XYLB: variants seen among roughly 807,000 people sequenced by gnomAD.
XYLB encodes xylulose kinase.
A neutral mutation model predicts 78.7 loss-of-function variants in XYLB; 62 were observed. That is an observed-to-expected ratio of 0.79 (90% CI 0.64 to 0.97). The LOEUF is 0.97. Among genes scored for constraint, XYLB ranks in the 50% least tolerant of loss-of-function variants. XYLB has a pLI of 0.00. For missense variants in XYLB, 687 were observed against 676.8 expected, an observed-to-expected ratio of 1.02 and a Z score of -0.17; for synonymous variants, 245 against 247.4, an observed-to-expected ratio of 0.99 and a Z score of 0.09.
At chr3:38,374,577 T>G in intron 11 of XYLB, 75 bp downstream of exon 11, 6 of 1,587,564 alleles carry the variant, frequency 3.8e-6, no homozygotes, top group Non-Finnish European at 5.2e-6. Context: ...GTAGCAGAGG[T>G]GCTGCTGAGA....
intron 18 of XYLB, among the ~76,000 whole-genome samples, chr3:38,403,441 G>T (rs1002676): frequency 0.42 from 64,174 of 152,072 alleles, 15,767 homozygotes; most frequent in Non-Finnish European, 0.56. Flanking sequence ...GTATTGGATA[G>T]TGCAGCTCTG....
At chr3:38,421,539 C>T (rs995402927), downstream of XYLB, among the ~76,000 whole-genome samples, 5 of 152,158 alleles carry the variant, frequency 3.3e-5, no homozygotes, top group South Asian at 2.1e-4. Flanking sequence ...CGCTGGTTTC[C>T]GGACCGAGGA....
chr3:38,361,045 G>GA (rs748367202), intron 3 of XYLB, among the ~76,000 whole-genome samples: 4 of 151,616 alleles, frequency 2.6e-5, no homozygotes, highest in Admixed American at 6.6e-5. Flanking sequence ...CAAAAAAAAA[G>GA]AAAAAAAAGA....
At chr3:38,366,283 G>A (rs1706257391) in intron 6 of XYLB, among the ~76,000 whole-genome samples, 1 of 152,016 alleles carries the variant, frequency 6.6e-6, no homozygotes, top group South Asian at 2.1e-4. Context: ...ATATGTGGGT[G>A]GGGAAAATAC....
At position 38,348,655 on chromosome 3, in the gene XYLB, T is replaced by C. The variant is rs1478880119; in HGVS notation, c.140+23T>C. 4.3e-6 allele frequency: 7 copies of C among 1,611,480 alleles called. No homozygotes were observed. The African/African-American group carries it at 8.0e-5, about 18-fold the overall frequency. Reference sequence around the variant, plus strand: ...TGGGTATGTACTTGATGTGCATGTGTGTGTGATGGGGGTGTTGGTTTTGGG... The same window carrying C: ...TGGGTATGTACTTGATGTGCATGTGCGTGTGATGGGGGTGTTGGTTTTGGG... On this transcript the variant is annotated intron_variant, in intron 2 of 18. Transcript: ENST00000207870.
At chr3:38,437,764 T>A in the XYLB span, among the ~76,000 whole-genome samples, 1 of 151,700 alleles carries the variant, frequency 6.6e-6, no homozygotes, top group African/African-American at 2.4e-5. Flanking sequence ...GGCAACATAG[T>A]GAGACCCTGT....
chr3:38,426,838 C>G, the XYLB span, among the ~76,000 whole-genome samples: 3 of 152,164 alleles, frequency 2.0e-5, no homozygotes, highest in Non-Finnish European at 2.9e-5. Context: ...AGCAATGGGA[C>G]ATGCTCATGA....
intron 2 of XYLB, among the ~76,000 whole-genome samples, chr3:38,358,818 A>T (rs769216588): frequency 2.6e-5 from 4 of 152,224 alleles, no homozygotes; most frequent in Non-Finnish European, 4.4e-5. Context: ...TATTGAGTAT[A>T]ATTTATGTAC....
downstream of XYLB, among the ~76,000 whole-genome samples, chr3:38,423,992 T>G (rs1303011714): frequency 6.6e-6 from 1 of 152,198 alleles, no homozygotes; most frequent in East Asian, 1.9e-4. Context: ...TAATTGGATA[T>G]GACCTGCTCT....
chr3:38,409,516 A>T (rs1708483163), intron 18 of XYLB, among the ~76,000 whole-genome samples: 1 of 152,182 alleles, frequency 6.6e-6, no homozygotes, highest in African/African-American at 2.4e-5. Flanking sequence ...TATTCAACGT[A>T]GTGTTGGAAG....
chr3:38,374,411 G>A (rs763938151), intron 10 of XYLB, 51 bp from the exon 11 acceptor site: 2 of 1,613,702 alleles, frequency 1.2e-6, no homozygotes, highest in Non-Finnish European at 1.7e-6. Context: ...GGTTTGCTTT[G>A]TGGTTCCCAT....
intron 6 of XYLB, among the ~76,000 whole-genome samples, chr3:38,366,289 A>G (rs1706257736): frequency 6.6e-6 from 1 of 151,918 alleles, no homozygotes; most frequent in Non-Finnish European, 1.5e-5. Flanking sequence ...GGGTGGGGAA[A>G]ATACCCCGAT....
intron 4 of XYLB, among the ~76,000 whole-genome samples, 162 bp from the exon 5 acceptor site, chr3:38,365,037 G>A (rs1004178893): frequency 6.6e-6 from 1 of 152,156 alleles, no homozygotes. Flanking sequence ...TCTTGAAGTG[G>A]AAACCAAGTC....
chr3:38,421,633 T>A (rs953064186), downstream of XYLB, among the ~76,000 whole-genome samples: 5 of 152,210 alleles, frequency 3.3e-5, no homozygotes, highest in African/African-American at 1.2e-4. Context: ...TTCCTATAAC[T>A]GGTCAGTGTG....
At chr3:38,447,913 G>A in the XYLB span, among the ~76,000 whole-genome samples, 1 of 151,968 alleles carries the variant, frequency 6.6e-6, no homozygotes, top group African/African-American at 2.4e-5. Flanking sequence ...AATACTATTC[G>A]GCCATTAAAA....
the XYLB span, among the ~76,000 whole-genome samples, chr3:38,426,476 A>G: frequency 6.6e-6 from 1 of 152,250 alleles, no homozygotes; most frequent in East Asian, 1.9e-4. Context: ...CTTCTCTGGC[A>G]CATCTGACAC....
chr3:38,419,478 A>C (rs1708902964), downstream of XYLB, among the ~76,000 whole-genome samples: 1 of 149,982 alleles, frequency 6.7e-6, no homozygotes, highest in South Asian at 2.1e-4. Flanking sequence ...TTGAGGACCC[A>C]CCACAGTTTT....
chr3:38,398,312 A>T (rs1033186735), intron 17 of XYLB, among the ~76,000 whole-genome samples: 3 of 151,578 alleles, frequency 2.0e-5, no homozygotes, highest in Non-Finnish European at 4.4e-5. Flanking sequence ...TACTAAAAAT[A>T]CAAAAATTAG....
chr3:38,437,041 T>A, the XYLB span, among the ~76,000 whole-genome samples: 1 of 143,030 alleles, frequency 7.0e-6, no homozygotes, highest in Admixed American at 7.0e-5. Flanking sequence ...ATAATAATAA[T>A]AATAACAAAA....
Sources: gnomAD v4.1 joint callset for allele counts (sites outside exome capture counted in the v4.1 genomes callset) on GRCh38, gnomAD v4.1.1 for gene constraint, MANE v1.5 for transcripts, NCBI Gene and HGNC (gene_info 2026-07-23, HGNC 2026-07-21) for gene names.